The following CCDC134 variants were observed in gnomAD, a reference collection of about 807,000 sequenced individuals.
The protein encoded by CCDC134 is coiled-coil domain-containing protein 134.
A neutral mutation model predicts 25.6 loss-of-function variants in CCDC134; 27 were observed. The ratio of observed to expected loss-of-function variants is 1.05; its 90% CI spans 0.78 to 1.45. The LOEUF (loss-of-function observed/expected upper bound fraction) is 1.45, where lower values mean the gene tolerates loss of function less well. Among genes scored for constraint, CCDC134 ranks in the 40% most tolerant of loss-of-function variants. The probability of loss-of-function intolerance (pLI) is 0.00; values close to 1 mark genes in which losing one functional copy is unlikely to be tolerated. For synonymous variants in CCDC134, 110 were observed against 115.0 expected (o/e 0.96, Z 0.28); for missense variants, 261 against 286.7 (o/e 0.91, Z 0.65).
At position 41,825,001 on chromosome 22, in the gene CCDC134, G is replaced by A. The variant is rs74788962; in HGVS notation, c.565-697G>A. Among the ~76,000 whole-genome samples, 1,925 of 152,156 alleles carry A rather than the reference G, an allele frequency of 0.013. 42 individuals are homozygous for A. Among genetic ancestry groups the A allele is most frequent in the African/African-American group, 0.044 (1,831 of 41,464 alleles). ...GAGGGAGAGGGAATGCCGGGTGCAG[G>A]TGGGGCTCCTCGGTTTCTGCCCTGC... is the stretch of plus-strand genomic sequence containing the variant. On this transcript the variant is annotated intron_variant, in intron 6 of 6. Coordinates refer to ENST00000255784, the MANE Select transcript of CCDC134 (RefSeq NM_024821.5). This position sits in a 1 kb window ranked among gnomAD's most constrained non-coding sequence, Gnocchi z 4.4.
chr22:41,814,377 C>A (rs928744012), intron 6 of CCDC134, among the ~76,000 whole-genome samples: 2 of 152,072 alleles, frequency 1.3e-5, no homozygotes, highest in Non-Finnish European at 2.9e-5. Context: ...ACTAGCCTGG[C>A]CAATATGGTG....
chr22:41,819,963 T>TTATATATATATATATATATATATATATA, intron 6 of CCDC134, among the ~76,000 whole-genome samples: 1 of 82,618 alleles, frequency 1.2e-5, no homozygotes, highest in African/African-American at 6.1e-5. Flanking sequence ...ACTTACCACT[T>TTATATATATATATATATATATATATATA]TATATATATA....
intron 6 of CCDC134, among the ~76,000 whole-genome samples, chr22:41,821,272 G>A (rs1359246477): frequency 6.6e-6 from 1 of 151,928 alleles, no homozygotes; most frequent in Non-Finnish European, 1.5e-5. Context: ...GAAAGGAAGT[G>A]GATGTGGCAA....
rs2076704024 is a variant in CCDC134 at position 41,830,919 on chromosome 22, C to T, written c.*5096C>T. 7.5e-6 allele frequency among the ~76,000 whole-genome samples: 1 copy of T among 132,654 alleles called. No homozygotes were observed. Among genetic ancestry groups the T allele is most frequent in the Admixed American group, 8.7e-5 (1 of 11,548 alleles). 87.0% of individuals were successfully genotyped at this position (132,654 alleles called of 152,430 possible). ...TTTTTTTTTTTTTGAGACGCAGTCTCCTGTTGCCCAGGCTGGAGTGCAATG... is the reference window on the plus strand; with the variant it reads ...TTTTTTTTTTTTTGAGACGCAGTCTTCTGTTGCCCAGGCTGGAGTGCAATG... On this transcript the variant is annotated 3_prime_UTR_variant, in exon 7 of 7. Transcript: ENST00000255784.
chr22:41,804,232 C>T (rs2076557521), intron 1 of CCDC134, among the ~76,000 whole-genome samples: 1 of 152,144 alleles, frequency 6.6e-6, no homozygotes, highest in South Asian at 2.1e-4. Context: ...ACTTCTTATC[C>T]TGGTTTGCAG....
At chr22:41,821,314 TC>T (rs1241437709) in intron 6 of CCDC134, among the ~76,000 whole-genome samples, 4 of 151,520 alleles carry the variant, frequency 2.6e-5, no homozygotes, top group Non-Finnish European at 4.4e-5. Context: ...AGTTTTCCTT[TC>T]TTTTTTTTTT....
rs34213936 is a variant in CCDC134, at chr22:41,819,963, T to TTATATATATATATA, written c.565-5712_565-5699dup. Among the ~76,000 whole-genome samples, 151 of 82,570 alleles carry TTATATATATATATA rather than the reference T, an allele frequency of 1.8e-3. 1 individual carries two copies. The highest frequency in any genetic ancestry group is 8.9e-3 in the East Asian group (16 of 1,792). The allele number at this position is 82,570 out of a possible 152,430, so 54.2% of individuals were successfully genotyped here. On this transcript the variant is annotated intron_variant, in intron 6 of 6. Transcript: ENST00000255784. ...GGAGAGCAGGCTGTGACTTACCACT[T>TTATATATATATATA]TATATATATATATATATATATATAT...
At chr22:41,811,080 T>C (rs992211353) in intron 4 of CCDC134, among the ~76,000 whole-genome samples, 1 of 152,184 alleles carries the variant, frequency 6.6e-6, no homozygotes, top group African/African-American at 2.4e-5. Flanking sequence ...TACTTATCTT[T>C]CTGCGTGGCC....
chr22:41,827,699 G>C lies in CCDC134; in HGVS notation c.*1876G>C, dbSNP rs1265594864. On this transcript the variant is annotated 3_prime_UTR_variant, in exon 7 of 7. Coordinates refer to ENST00000255784, the MANE Select transcript of CCDC134 (RefSeq NM_024821.5). ...ATACCCTATGGGGAGGATATTCCCT[G>C]TTATAGCTGAAGCGTGAATTGGCCT... 1.3e-5 allele frequency among the ~76,000 whole-genome samples: 2 copies of C among 152,226 alleles called. No individual in the cohort carries two copies. The highest frequency in any genetic ancestry group is 2.4e-5 in the African/African-American group (1 of 41,458).
chr22:41,827,646 A>C lies in CCDC134; in HGVS notation c.*1823A>C, dbSNP rs1569360598. ...CACCCTATGTAAATGGAAAGGATGA[A>C]GTAAATTTACAAATTCATTTACAGC... is the stretch of plus-strand genomic sequence containing the variant. On this transcript the variant is annotated 3_prime_UTR_variant, in exon 7 of 7. Coordinates refer to ENST00000255784, the MANE Select transcript of CCDC134 (RefSeq NM_024821.5). Among the ~76,000 whole-genome samples the C allele has an allele frequency of 6.6e-6, 1 of 152,218 alleles. No individual in the cohort carries two copies. The highest frequency in any genetic ancestry group is 1.5e-5 in the Non-Finnish European group (1 of 68,026).
At position 41,826,037 on chromosome 22, in the gene CCDC134, C is replaced by T. The variant is rs1297713899; in HGVS notation, c.*214C>T. Reference sequence around the variant, plus strand: ...CTCAGGGGCCTCCTGCTGAAGGGGCCTTCAGAGGATTTTATGCTGGAAATA... The same window carrying T: ...CTCAGGGGCCTCCTGCTGAAGGGGCTTTCAGAGGATTTTATGCTGGAAATA... On this transcript the variant is annotated 3_prime_UTR_variant, in exon 7 of 7. Coordinates refer to ENST00000255784, the MANE Select transcript of CCDC134 (RefSeq NM_024821.5). 2 of 563,160 alleles carry T rather than the reference C, an allele frequency of 3.6e-6. No homozygotes were observed. Among genetic ancestry groups the T allele is most frequent in the Admixed American group, 3.1e-5 (1 of 32,496 alleles). The allele number at this position is 563,160 out of a possible 1,614,324, so 34.9% of individuals were successfully genotyped here.
Position 41,825,631 on chromosome 22 carries a change from T to C in CCDC134, c.565-67T>C. ...CCTTCCTATTCCCACACCCCGCTGG[T>C]GGCCTAGCTCAGAGCAGGCTCTTTG... On this transcript the variant is annotated intron_variant, in intron 6 of 6. Transcript: ENST00000255784. The surrounding 1 kb of genome is among the most constrained non-coding windows in gnomAD (Gnocchi z 4.4). The C allele has an allele frequency of 3.8e-6, 6 of 1,592,598 alleles. No individual in the cohort carries two copies. Among genetic ancestry groups the C allele is most frequent in the Non-Finnish European group, 5.1e-6 (6 of 1,167,322 alleles).
chr22:41,815,322 C>T (rs1185285699), intron 6 of CCDC134, among the ~76,000 whole-genome samples: 1 of 151,170 alleles, frequency 6.6e-6, no homozygotes, highest in Non-Finnish European at 1.5e-5. Flanking sequence ...TCTCCTGCCT[C>T]AGCCTCCCCA....
chr22:41,820,716 G>T (rs1308102169), intron 6 of CCDC134, among the ~76,000 whole-genome samples: 1 of 152,202 alleles, frequency 6.6e-6, no homozygotes, highest in East Asian at 1.9e-4. Context: ...TGAGTGTCTG[G>T]AAGAATGGGA....
rs2076676249 is a variant in CCDC134 at position 41,825,996 on chromosome 22, G to C, written c.*173G>C. 3.6e-6 allele frequency: 3 copies of C among 840,710 alleles called. No homozygotes were observed. Among genetic ancestry groups the C allele is most frequent in the Middle Eastern group, 3.9e-4 (1 of 2,572 alleles). 52.1% of individuals were successfully genotyped at this position (840,710 alleles called of 1,614,324 possible). A position where few individuals can be genotyped will look rare whatever the true frequency, so the allele number is the denominator to read the frequency against. On this transcript the variant is annotated 3_prime_UTR_variant, in exon 7 of 7. Transcript: ENST00000255784. The surrounding 1 kb of genome is among the most constrained non-coding windows in gnomAD (Gnocchi z 4.4). ...CCCCAGCTGAAGGGACTGAGCCTCA[G>C]ATGGCTGGATTTTCTCTCAGGGGCC...
Position 41,832,099 on chromosome 22 carries a change from T to G in CCDC134, c.*6276T>G, listed in dbSNP as rs757157979. On this transcript the variant is annotated 3_prime_UTR_variant, in exon 7 of 7. Coordinates refer to ENST00000255784, the MANE Select transcript of CCDC134 (RefSeq NM_024821.5). ...TCACAAACTGGCAGGAAACTTCAAC[T>G]TTTCCCTTTTATCAATATATTGTGA... 1.3e-5 allele frequency: 2 copies of G among 152,180 alleles called. No homozygotes were observed. Among genetic ancestry groups the G allele is most frequent in the Admixed American group, 6.5e-5 (1 of 15,278 alleles). The allele number at this position is 152,180 out of a possible 1,614,324, so 9.4% of individuals were successfully genotyped here.
intron 1 of CCDC134, among the ~76,000 whole-genome samples, chr22:41,806,699 C>A (rs1341480065): frequency 2.6e-5 from 4 of 152,110 alleles, no homozygotes; most frequent in African/African-American, 4.8e-5. Context: ...CAGACACAGG[C>A]AGAGTGTGTC....
Position 41,826,665 on chromosome 22 carries a change from C to T in CCDC134, c.*842C>T, listed in dbSNP as rs1458015957. Among the ~76,000 whole-genome samples, 5 of 152,112 alleles carry T rather than the reference C, an allele frequency of 3.3e-5. No individual in the cohort carries two copies. The highest frequency in any genetic ancestry group is 9.7e-5 in the African/African-American group (4 of 41,438). ...GGTGGGGGGCTGCAGGGGGACAGGCCGCAGCCCTGCAGGAGGCCGTGCTCC... is the reference window on the plus strand; with the variant it reads ...GGTGGGGGGCTGCAGGGGGACAGGCTGCAGCCCTGCAGGAGGCCGTGCTCC... On this transcript the variant is annotated 3_prime_UTR_variant, in exon 7 of 7. Coordinates refer to ENST00000255784, the MANE Select transcript of CCDC134 (RefSeq NM_024821.5).
At chr22:41,812,193 A>G (rs993562097) in intron 4 of CCDC134, among the ~76,000 whole-genome samples, 1 of 152,146 alleles carries the variant, frequency 6.6e-6, no homozygotes, top group Middle Eastern at 3.2e-3. Flanking sequence ...AAGCCGAGGC[A>G]GGCGGATTAC....
Sources: gnomAD v4.1 joint callset for allele counts (sites outside exome capture counted in the v4.1 genomes callset) on GRCh38, gnomAD v4.1.1 for gene constraint, Gnocchi (gnomAD v3.1) non-coding constraint, MANE v1.5 for transcripts, NCBI Gene and HGNC (gene_info 2026-07-23, HGNC 2026-07-21) for gene names.